Variants in PCSK2 observed in about 807,000 individuals in gnomAD.
PCSK2 encodes neuroendocrine convertase 2.
A neutral mutation model predicts 69.7 loss-of-function variants in PCSK2; 14 were observed. The observed-to-expected ratio is 0.20, with a 90% CI of 0.13 to 0.31. The LOEUF (loss-of-function observed/expected upper bound fraction) is 0.31, where lower values mean the gene tolerates loss of function less well. Among genes scored for constraint, PCSK2 ranks in the 10% least tolerant of loss-of-function variants. The pLI is 1.00. For missense variants in PCSK2, 544 were observed against 842.5 expected (o/e 0.65, Z 4.39); for synonymous variants, 307 against 320.7 (o/e 0.96, Z 0.46).
chr20:17,251,913 T>A (rs745857448), intron 1 of PCSK2, among the ~76,000 whole-genome samples: 1 of 152,112 alleles, frequency 6.6e-6, no homozygotes, highest in Non-Finnish European at 1.5e-5. Context: ...ACACCATAAA[T>A]GGGATGACTT....
chr20:17,441,397 A>G (rs1600582897), intron 8 of PCSK2, among the ~76,000 whole-genome samples: 1 of 152,348 alleles, frequency 6.6e-6, no homozygotes, highest in Non-Finnish European at 1.5e-5. Flanking sequence ...CAGTCTTCTT[A>G]GGCATCTGAT....
chr20:17,261,947 A>G (rs1384369994), intron 2 of PCSK2, among the ~76,000 whole-genome samples: 1 of 152,258 alleles, frequency 6.6e-6, no homozygotes, highest in East Asian at 1.9e-4. Context: ...GCAGAATGAA[A>G]GAGACATTTA....
chr20:17,231,513 T>A (rs2122929457), intron 1 of PCSK2, among the ~76,000 whole-genome samples: 1 of 152,330 alleles, frequency 6.6e-6, no homozygotes, highest in Middle Eastern at 3.4e-3. Flanking sequence ...GATATTAAAG[T>A]CTACGTATTT....
rs892866814 is a variant in PCSK2, at chr20:17,483,041, T to C, written c.*971T>C. The C allele has an allele frequency of 3.3e-5, 5 of 151,610 alleles. No individual in the cohort carries two copies. Among genetic ancestry groups the C allele is most frequent in the Non-Finnish European group, 7.4e-5 (5 of 67,860 alleles). 9.4% of individuals were successfully genotyped at this position (151,610 alleles called of 1,614,324 possible). A position where few individuals can be genotyped will look rare whatever the true frequency, so the allele number is the denominator to read the frequency against. On this transcript the variant is annotated 3_prime_UTR_variant, in exon 12 of 12. Transcript: ENST00000262545. ...GGCGACAGGAGTATTTTTTTTTTTTTACAGCTTTACACACACAGATGTGGG... is the reference window on the plus strand; with the variant it reads ...GGCGACAGGAGTATTTTTTTTTTTTCACAGCTTTACACACACAGATGTGGG...
intron 2 of PCSK2, among the ~76,000 whole-genome samples, chr20:17,342,517 C>T (rs988288219): frequency 1.3e-5 from 2 of 152,142 alleles, no homozygotes; most frequent in Non-Finnish European, 2.9e-5. Context: ...TGGGGTTTCA[C>T]CATGTTGTCC....
intron 2 of PCSK2, among the ~76,000 whole-genome samples, chr20:17,312,667 A>AT (rs537746183): frequency 7.9e-5 from 12 of 151,890 alleles, no homozygotes; most frequent in East Asian, 1.9e-4. Context: ...AGGTCAGATG[A>AT]TTTTTTTTGT....
At chr20:17,317,130 G>A (rs1989713582) in intron 2 of PCSK2, among the ~76,000 whole-genome samples, 1 of 152,086 alleles carries the variant, frequency 6.6e-6, no homozygotes, top group African/African-American at 2.4e-5. Context: ...GCTCCTGCTA[G>A]CTCTTAGTTA....
At chr20:17,472,024 AAG>A (rs2033210952) in intron 11 of PCSK2, among the ~76,000 whole-genome samples, 1 of 152,230 alleles carries the variant, frequency 6.6e-6, no homozygotes, top group African/African-American at 2.4e-5. Context: ...AGGCTTTATC[AAG>A]AGAGTCAGTG....
intron 7 of PCSK2, among the ~76,000 whole-genome samples, chr20:17,433,629 G>A (rs2032411747): frequency 6.6e-6 from 1 of 152,214 alleles, no homozygotes; most frequent in South Asian, 2.1e-4. Context: ...GAATGGAAGA[G>A]ACCCACAGAG....
Position 17,227,185 on chromosome 20 carries a change from C to T in PCSK2, c.-121C>T. ...TTCCAAGACCCTGTTCAGTCTCTTT[C>T]TCTATACAAAGATTTTTTTAAAAAC... On this transcript the variant is annotated 5_prime_UTR_variant, in exon 1 of 12. Transcript: ENST00000262545. 1 of 655,462 alleles carries T rather than the reference C, an allele frequency of 1.5e-6. No homozygotes were observed. Among genetic ancestry groups the T allele is most frequent in the Non-Finnish European group, 2.6e-6 (1 of 381,612 alleles). The allele number at this position is 655,462 out of a possible 1,614,324, so 40.6% of individuals were successfully genotyped here.
chr20:17,357,461 A>G (rs564628723), intron 2 of PCSK2, among the ~76,000 whole-genome samples: 2 of 152,242 alleles, frequency 1.3e-5, no homozygotes, highest in African/African-American at 4.8e-5. Flanking sequence ...CAAATTAAAG[A>G]CTGGGAAGCC....
At chr20:17,278,825 G>C (rs180879020) in intron 2 of PCSK2, among the ~76,000 whole-genome samples, 1 of 151,940 alleles carries the variant, frequency 6.6e-6, no homozygotes, top group Admixed American at 6.5e-5. Flanking sequence ...GACCAGCCTG[G>C]GCAACAGAGC....
intron 11 of PCSK2, among the ~76,000 whole-genome samples, chr20:17,466,727 T>C (rs1178063302): frequency 6.6e-6 from 1 of 152,248 alleles, no homozygotes; most frequent in Non-Finnish European, 1.5e-5. Flanking sequence ...TGAGTGTTGA[T>C]AAATGTATAC....
intron 2 of PCSK2, among the ~76,000 whole-genome samples, chr20:17,342,999 T>A (rs766698454): frequency 1.5e-4 from 23 of 152,070 alleles, no homozygotes; most frequent in Non-Finnish European, 3.4e-4. Context: ...CTGCTATAAT[T>A]ATCCTGACTT....
chr20:17,480,017 T>C (rs531284477), intron 11 of PCSK2, among the ~76,000 whole-genome samples: 39 of 151,882 alleles, frequency 2.6e-4, no homozygotes, highest in African/African-American at 9.4e-4. Flanking sequence ...TTTGAGCTTC[T>C]CCCACTCCAA....
intron 2 of PCSK2, among the ~76,000 whole-genome samples, chr20:17,333,720 C>T (rs2123156350): frequency 6.6e-6 from 1 of 152,008 alleles, no homozygotes; most frequent in Non-Finnish European, 1.5e-5. Flanking sequence ...GGTTCAAATT[C>T]TGCCTCATCC....
At chr20:17,457,653 C>T (rs2032946126) in intron 10 of PCSK2, among the ~76,000 whole-genome samples, 3 of 152,186 alleles carry the variant, frequency 2.0e-5, no homozygotes, top group Admixed American at 2.0e-4. Context: ...TTACTCATAT[C>T]CAATGTACAT....
At chr20:17,412,396 A>G (rs111433641) in intron 6 of PCSK2, among the ~76,000 whole-genome samples, 6 of 152,250 alleles carry the variant, frequency 3.9e-5, no homozygotes, top group African/African-American at 1.4e-4. Flanking sequence ...AAAAGCTTCA[A>G]TAGCCGATTT....
At chr20:17,331,519 GTTGAATTTTATGACAAGT>G (rs1990205884) in intron 2 of PCSK2, among the ~76,000 whole-genome samples, 1 of 152,118 alleles carries the variant, frequency 6.6e-6, no homozygotes, top group Non-Finnish European at 1.5e-5. Context: ...AGAATCTCAA[GTTGAATTTTATGACAAGT>G]TTGAAAACCC....
Sources: gnomAD v4.1 joint callset for allele counts (sites outside exome capture counted in the v4.1 genomes callset) on GRCh38, gnomAD v4.1.1 for gene constraint, MANE v1.5 for transcripts, NCBI Gene and HGNC (gene_info 2026-07-23, HGNC 2026-07-21) for gene names.